FAH: variants seen among roughly 807,000 people sequenced by gnomAD.
The protein encoded by FAH is fumarylacetoacetate hydrolase.
FAH carries 47 observed loss-of-function variants against 55.8 expected under a neutral mutation model. The ratio of observed to expected loss-of-function variants is 0.84; its 90% CI spans 0.67 to 1.07. FAH has a LOEUF of 1.07. Ranked by LOEUF, FAH falls within the 50% of genes least tolerant of loss-of-function variation. FAH has a pLI of 0.00. For synonymous variants in FAH, 199 were observed against 207.7 expected (o/e 0.96, Z 0.36); for missense variants, 495 against 545.9 (o/e 0.91, Z 0.93).
intron 5 of FAH, chr15:80,163,234 G>C (rs2041164501): frequency 6.6e-6 from 1 of 152,494 alleles, no homozygotes; most frequent in African/African-American, 2.4e-5. Flanking sequence ...TCTGAGACCA[G>C]AACCCAGGCT....
chr15:80,154,152 A>G (rs545201549), intron 1 of FAH, among the ~76,000 whole-genome samples: 2 of 152,316 alleles, frequency 1.3e-5, no homozygotes, highest in East Asian at 3.9e-4. Context: ...TGGACACTCA[A>G]TCCCCTGGAG....
chr15:80,170,249 C>T (rs954700154), intron 7 of FAH, among the ~76,000 whole-genome samples: 4 of 152,244 alleles, frequency 2.6e-5, no homozygotes, highest in Admixed American at 6.5e-5. Flanking sequence ...TTCCCATAGT[C>T]AGCACCTACA....
intron 1 of FAH, chr15:80,156,737 C>A (rs915761070): frequency 6.6e-6 from 1 of 152,142 alleles, no homozygotes; most frequent in Non-Finnish European, 1.5e-5. Context: ...CCTGTGAGCC[C>A]CCTCTAGTTT....
chr15:80,166,814 T>G (rs563840523), intron 5 of FAH: 1 of 152,094 alleles, frequency 6.6e-6, no homozygotes, highest in East Asian at 1.9e-4. Context: ...TTTTTTGTAT[T>G]TTTAGTAGAG....
chr15:80,161,171 A>G (rs902242214), intron 4 of FAH, among the ~76,000 whole-genome samples: 2 of 151,802 alleles, frequency 1.3e-5, no homozygotes, highest in African/African-American at 4.8e-5. Flanking sequence ...CCACTCTCAT[A>G]CACTCATGGG....
chr15:80,166,635 CTT>C (rs768001652), intron 5 of FAH, among the ~76,000 whole-genome samples: 5 of 118,324 alleles, frequency 4.2e-5, no homozygotes, highest in Non-Finnish European at 3.4e-5. Context: ...TTTGCATTTT[CTT>C]TTTTTTTTTT....
In FAH at chr15:80,180,219, C is replaced by T. The variant is rs1801374; in HGVS notation, c.1056C>T (p.Ser352=). The T allele has an allele frequency of 0.05, 81,033 of 1,605,318 alleles. 2,444 individuals carry two copies. The highest frequency in any genetic ancestry group is 0.08 in the East Asian group (3,589 of 44,868). The change falls in exon 12 of 14, where the codon AGC becomes AGT. Residue 352 remains serine (S), a synonymous_variant. Coordinates refer to ENST00000561421, the MANE Select transcript of FAH (RefSeq NM_000137.4). ...PGDLLASGTI[S]GPEPENFGSM... Reference sequence around the variant, plus strand: ...ACCTCCTGGCTTCTGGGACCATCAGCGGGCCGGTGAGTATCTGGCTGCACT... The same window carrying T: ...ACCTCCTGGCTTCTGGGACCATCAGTGGGCCGGTGAGTATCTGGCTGCACT...
chr15:80,173,202 T>A, intron 9 of FAH, 58 bp downstream of exon 9: 2 of 1,608,430 alleles, frequency 1.2e-6, no homozygotes. Context: ...CTGAGGCTGC[T>A]TGCCCACTGA....
At chr15:80,153,229 G>A (rs2041069003) in intron 1 of FAH, 94 bp downstream of exon 1, 1 of 945,884 alleles carries the variant, frequency 1.1e-6, no homozygotes, top group Non-Finnish European at 1.6e-6. Context: ...AGTGGAATGA[G>A]GGGCGGGATG....
chr15:80,176,487 G>A (rs1319654383), intron 10 of FAH, among the ~76,000 whole-genome samples: 2 of 152,250 alleles, frequency 1.3e-5, no homozygotes, highest in African/African-American at 4.8e-5. Context: ...AGAAAGAGCT[G>A]TCACAGAGAG....
At chr15:80,172,451 G>A (rs186675628) in intron 8 of FAH, among the ~76,000 whole-genome samples, 2 of 72,390 alleles carry the variant, frequency 2.8e-5, no homozygotes, top group African/African-American at 7.1e-5. Flanking sequence ...CAATTTTCTC[G>A]AGTGGCTAGG....
intron 1 of FAH, among the ~76,000 whole-genome samples, chr15:80,155,241 T>C (rs542390837): frequency 5.3e-5 from 8 of 152,308 alleles, no homozygotes; most frequent in African/African-American, 1.9e-4. Flanking sequence ...AGGAACCACG[T>C]CACTGTTCCC....
chr15:80,158,168 C>T lies in FAH; in HGVS notation c.190C>T (p.Gln64Ter). The change falls in exon 2 of 14, where the codon CAG becomes TAG. Residue 64 changes from glutamine to a stop codon, truncating the protein, a stop_gained and splice_region_variant. Transcript: ENST00000561421. LOFTEE classifies it high-confidence loss of function. ...CTCCAAACACCAGGATGTCTTCAAT[C>T]AGGTAGGACATTGTGAAACGACTTG... ...VLSKHQDVFN[Q>*]PTLNSFMGLG... 1 of 1,606,602 alleles carries T rather than the reference C, an allele frequency of 6.2e-7. No individual in the cohort carries two copies. The highest frequency in any genetic ancestry group is 8.5e-7 in the Non-Finnish European group (1 of 1,173,094).
intron 5 of FAH, among the ~76,000 whole-genome samples, chr15:80,165,280 C>G (rs1963889): frequency 0.73 from 110,076 of 151,244 alleles, 40,133 homozygotes; most frequent in East Asian, 0.88. Context: ...TGTAATCCCA[C>G]AACTTTGGGA....
chr15:80,173,262 G>A (rs2041256851), intron 9 of FAH, 118 bp downstream of exon 9: 13 of 1,364,164 alleles, frequency 9.5e-6, no homozygotes, highest in African/African-American at 1.4e-5. Flanking sequence ...CTGTGCCCAC[G>A]GCATGCCCAC....
chr15:80,173,040 G>T lies in FAH; in HGVS notation c.733G>T (p.Val245Phe). 1 of 1,614,268 alleles carries T rather than the reference G, an allele frequency of 6.2e-7. No homozygotes were observed. The highest frequency in any genetic ancestry group is 8.5e-7 in the Non-Finnish European group (1 of 1,180,046). ...SARDIQKWEYVPLGPFLGKSF... is the reference protein window; with the variant it reads ...SARDIQKWEYFPLGPFLGKSF... Reference sequence around the variant, plus strand: ...ACGAGACATTCAGAAGTGGGAGTATGTCCCTCTCGGGCCATTCCTTGGGAA... The same window carrying T: ...ACGAGACATTCAGAAGTGGGAGTATTTCCCTCTCGGGCCATTCCTTGGGAA... Residue 245 changes from valine to phenylalanine, a missense_variant, in exon 9 of 14, where the codon GTC becomes TTC. Val to Phe is a conservative substitution (Grantham distance 50). Transcript: ENST00000561421.
intron 1 of FAH, among the ~76,000 whole-genome samples, chr15:80,153,461 C>G (rs545187492): frequency 6.6e-6 from 1 of 152,336 alleles, no homozygotes; most frequent in South Asian, 2.1e-4. Context: ...CACAGGCATG[C>G]TGCCTACTCC....
chr15:80,163,447 T>G (rs901242482), intron 5 of FAH: 2 of 152,284 alleles, frequency 1.3e-5, no homozygotes, highest in African/African-American at 4.8e-5. Flanking sequence ...AGGATCCCAG[T>G]GGCCAAAGGG....
intron 13 of FAH, among the ~76,000 whole-genome samples, chr15:80,185,789 TC>T (rs1357944729): frequency 2.0e-5 from 3 of 152,116 alleles, no homozygotes; most frequent in African/African-American, 7.2e-5. Context: ...ACTGTGTACC[TC>T]CCACAACACA....
Sources: allele counts gnomAD v4.1 joint callset (sites outside exome capture counted in the v4.1 genomes callset), GRCh38; gene constraint gnomAD v4.1.1; transcripts MANE v1.5; gene names NCBI Gene and HGNC (gene_info 2026-07-23, HGNC 2026-07-21).